Variants in TTC23L observed in about 807,000 individuals in gnomAD.
The protein encoded by TTC23L is tetratricopeptide repeat domain 23 like, also known as tetratricopeptide repeat protein 23-like.
TTC23L carries 42 observed loss-of-function variants against 48.1 expected under a neutral mutation model. The ratio of observed to expected loss-of-function variants is 0.87; its 90% CI spans 0.68 to 1.13. The LOEUF is 1.13. Among genes scored for constraint, TTC23L ranks in the 50% most tolerant of loss-of-function variants. The pLI, the probability that TTC23L is intolerant of heterozygous loss-of-function variation, is 0.00. For missense variants in TTC23L, 391 were observed against 421.0 expected (o/e 0.93, Z 0.62); for synonymous variants, 159 against 157.2 (o/e 1.01, Z -0.09).
the TTC23L span, chr5:34,914,827 G>C: frequency 6.2e-7 from 1 of 1,614,216 alleles, no homozygotes; most frequent in East Asian, 2.2e-5. Context: ...TCCTAACGTT[G>C]TCAAGGCTGG....
chr5:34,914,046 G>A, the TTC23L span: 3 of 455,756 alleles, frequency 6.6e-6, no homozygotes, highest in African/African-American at 4.0e-5. Flanking sequence ...GACAAGAACC[G>A]TGTCTTATTT....
the TTC23L span, chr5:34,925,207 CTTTT>C: frequency 2.5e-4 from 334 of 1,354,716 alleles, no homozygotes; most frequent in Admixed American, 7.3e-4. Context: ...AGCATCTAAT[CTTTT>C]TTTTTTTTTT....
chr5:34,914,545 A>C, the TTC23L span: 2 of 745,386 alleles, frequency 2.7e-6, no homozygotes, highest in African/African-American at 3.5e-5. Context: ...TCTCTAACTT[A>C]AGACTATTAT....
intron 3 of TTC23L, 73 bp downstream of exon 3, chr5:34,845,746 G>C: frequency 7.2e-7 from 1 of 1,384,266 alleles, no homozygotes; most frequent in Non-Finnish European, 9.8e-7. Flanking sequence ...CTTTGCCTTC[G>C]ATGCAGATTG....
At chr5:34,857,559 A>C (rs1335038457) in intron 4 of TTC23L, among the ~76,000 whole-genome samples, 2 of 152,238 alleles carry the variant, frequency 1.3e-5, no homozygotes, top group Admixed American at 6.5e-5. Flanking sequence ...CAAGCCTTTT[A>C]CAAAGATTCT....
At chr5:34,897,019 A>C (rs934359476) in intron 10 of TTC23L, 144 bp downstream of exon 10, 81 of 550,588 alleles carry the variant, frequency 1.5e-4, no homozygotes, top group Non-Finnish European at 6.8e-5. Flanking sequence ...AAGGAAAAAA[A>C]AAAACAAAAA....
chr5:34,915,606 C>A, the TTC23L span: 5 of 1,185,598 alleles, frequency 4.2e-6, no homozygotes, highest in East Asian at 1.4e-4. Context: ...GCCACCGAGA[C>A]CGGAAGGAGG....
chr5:34,839,616 C>T (rs1758427754), intron 1 of TTC23L: 2 of 985,136 alleles, frequency 2.0e-6, no homozygotes, highest in African/African-American at 3.5e-5. Context: ...AGTGACTCTC[C>T]CTTTCTGATT....
At chr5:34,883,873 T>C (rs947602776) in intron 9 of TTC23L, among the ~76,000 whole-genome samples, 1 of 152,196 alleles carries the variant, frequency 6.6e-6, no homozygotes, top group East Asian at 1.9e-4. Context: ...TCTTCCATTT[T>C]CTGGAAGAGG....
chr5:34,919,821 CTT>C, the TTC23L span: 3 of 866,588 alleles, frequency 3.5e-6, no homozygotes, highest in Non-Finnish European at 5.2e-6. Context: ...CTTGCTTTTT[CTT>C]TTTTTTCTTT....
At chr5:34,880,553 T>A in intron 9 of TTC23L, 1 of 481,768 alleles carries the variant, frequency 2.1e-6, no homozygotes, top group Non-Finnish European at 3.7e-6. Flanking sequence ...AACTGCAGAG[T>A]AGGCTCAAAG....
rs952996288 is a variant in TTC23L, at chr5:34,866,276, A to G, written c.663-616A>G. ...CAGATATATATGGATATCAATAACT[A>G]TATCTCTATGTGGATCACAGTCTAA... On this transcript the variant is annotated intron_variant, in intron 6 of 10. Transcript: ENST00000505624. Among the ~76,000 whole-genome samples the G allele has an allele frequency of 2.6e-5, 4 of 152,186 alleles. No individual in the cohort carries two copies. The East Asian group carries it at 5.8e-4, about 22-fold the overall frequency.
intron 8 of TTC23L, among the ~76,000 whole-genome samples, chr5:34,878,907 G>GCAC (rs1762036593): frequency 6.6e-6 from 1 of 152,172 alleles, no homozygotes; most frequent in Admixed American, 6.5e-5. Context: ...GTTTATCGTA[G>GCAC]CACTATTCAC....
At chr5:34,850,022 G>T (rs555338492) in intron 3 of TTC23L, among the ~76,000 whole-genome samples, 163 bp from the exon 4 acceptor site, 1 of 152,242 alleles carries the variant, frequency 6.6e-6, no homozygotes, top group Admixed American at 6.5e-5. Flanking sequence ...GATTTAGGGG[G>T]AATGTGGATC....
intron 3 of TTC23L, among the ~76,000 whole-genome samples, chr5:34,846,561 C>CAAAAAAAAAAAAAAAAAAAA (rs1156709677): frequency 3.2e-5 from 1 of 31,566 alleles, no homozygotes; most frequent in African/African-American, 1.2e-4. Context: ...GACTCTGTCT[C>CAAAAAAAAAAAAAAAAAAAA]AAAAAAAAAA....
chr5:34,844,955 G>A lies in TTC23L; in HGVS notation c.69-532G>A, dbSNP rs534211495. ...GACATGCAAAGTCCAGCCTCAAAAT[G>A]TTGGTTTCCTTTCCCTTATTTCATT... On this transcript the variant is annotated intron_variant, in intron 2 of 10. Transcript: ENST00000505624. Among the ~76,000 whole-genome samples the A allele has an allele frequency of 3.9e-5, 6 of 152,254 alleles. No homozygotes were observed. In the South Asian group the frequency reaches 8.3e-4, roughly 21 times the overall value.
intron 8 of TTC23L, among the ~76,000 whole-genome samples, chr5:34,878,013 A>C (rs757841549): frequency 3.3e-5 from 5 of 152,248 alleles, no homozygotes; most frequent in Non-Finnish European, 7.3e-5. Context: ...TGCAGAAGTC[A>C]ATACTTTCCT....
downstream of TTC23L, among the ~76,000 whole-genome samples, chr5:34,900,931 C>T (rs190668396): frequency 1.6e-3 from 237 of 152,332 alleles, no homozygotes; most frequent in African/African-American, 5.5e-3. Flanking sequence ...GAGGCAGCTA[C>T]AAAATGATTG....
chr5:34,842,896 G>A (rs973448789), intron 2 of TTC23L, among the ~76,000 whole-genome samples: 1 of 152,176 alleles, frequency 6.6e-6, no homozygotes, highest in African/African-American at 2.4e-5. Flanking sequence ...TGTGATCTCA[G>A]CTCACTGCAC....
Sources: allele counts gnomAD v4.1 joint callset (sites outside exome capture counted in the v4.1 genomes callset), GRCh38; gene constraint gnomAD v4.1.1; transcripts MANE v1.5; gene names NCBI Gene and HGNC (gene_info 2026-07-23, HGNC 2026-07-21).